The following VPS54 variants were observed in gnomAD, a reference collection of about 807,000 sequenced individuals.
The protein encoded by VPS54 is VPS54 subunit of GARP complex.
VPS54 carries 45 observed loss-of-function variants against 121.5 expected under a neutral mutation model. That is an observed-to-expected ratio of 0.37 (90% CI 0.29 to 0.47). VPS54 has a LOEUF of 0.47. Ranked by LOEUF, VPS54 falls within the 20% of genes least tolerant of loss-of-function variation. The probability of loss-of-function intolerance (pLI) is 0.99; values close to 1 mark genes in which losing one functional copy is unlikely to be tolerated. For missense variants in VPS54, 1,090 were observed against 1,131.4 expected, an observed-to-expected ratio of 0.96 and a Z score of 0.52; for synonymous variants, 371 against 385.8, an observed-to-expected ratio of 0.96 and a Z score of 0.45.
At chr2:63,955,091 C>A (rs1559018961) in intron 7 of VPS54, among the ~76,000 whole-genome samples, 1 of 151,864 alleles carries the variant, frequency 6.6e-6, no homozygotes, top group African/African-American at 2.4e-5. Context: ...TTCAAAGATA[C>A]CTAATGAAAT....
At chr2:63,947,143 T>C (rs1309870983) in intron 9 of VPS54, among the ~76,000 whole-genome samples, 1 of 152,020 alleles carries the variant, frequency 6.6e-6, no homozygotes, top group Non-Finnish European at 1.5e-5. Context: ...GAAATATATG[T>C]ATAAAATCAT....
At chr2:63,919,484 G>A (rs1030503488) in intron 15 of VPS54, among the ~76,000 whole-genome samples, 4 of 151,966 alleles carry the variant, frequency 2.6e-5, no homozygotes, top group Non-Finnish European at 4.4e-5. Flanking sequence ...TAAACAATAC[G>A]GTATAGTAGC....
At chr2:64,005,625 A>T (rs1198813428) in intron 1 of VPS54, among the ~76,000 whole-genome samples, 2 of 152,196 alleles carry the variant, frequency 1.3e-5, no homozygotes. Context: ...GTTAGGGCAG[A>T]GTTTTTCAAC....
At chr2:63,925,769 G>C (rs1673870617) in intron 12 of VPS54, among the ~76,000 whole-genome samples, 1 of 152,114 alleles carries the variant, frequency 6.6e-6, no homozygotes, top group Non-Finnish European at 1.5e-5. Flanking sequence ...TTAACATAAA[G>C]TTTAAAAACT....
At chr2:63,952,255 G>C (rs538341499) in intron 7 of VPS54, among the ~76,000 whole-genome samples, 1 of 152,236 alleles carries the variant, frequency 6.6e-6, no homozygotes, top group South Asian at 2.1e-4. Flanking sequence ...TCAAATAGCT[G>C]TGTAAAAGCA....
chr2:63,919,111 A>G (rs897953417), intron 15 of VPS54, among the ~76,000 whole-genome samples: 5 of 152,106 alleles, frequency 3.3e-5, no homozygotes, highest in African/African-American at 9.6e-5. Context: ...TAAATCTTAT[A>G]GGACTATTAT....
At chr2:63,973,600 AG>A (rs1676385764) in intron 3 of VPS54, among the ~76,000 whole-genome samples, 1 of 152,164 alleles carries the variant, frequency 6.6e-6, no homozygotes, top group Non-Finnish European at 1.5e-5. Flanking sequence ...TCTGTTGCCC[AG>A]GCTGAAGTTG....
At chr2:63,983,518 C>T (rs566050859) in intron 2 of VPS54, among the ~76,000 whole-genome samples, 2 of 149,320 alleles carry the variant, frequency 1.3e-5, no homozygotes, top group Non-Finnish European at 3.0e-5. Context: ...TCTCAGCTCA[C>T]TGCATGCTCC....
At position 63,934,155 on chromosome 2, in the gene VPS54, C is replaced by CT. The variant is rs377102962; in HGVS notation, c.1399-143dup. 309 of 709,704 alleles carry CT rather than the reference C, an allele frequency of 4.4e-4. 1 individual carries two copies. In the African/African-American group the frequency reaches 4.6e-3, roughly 11 times the overall value. The allele number at this position is 709,704 out of a possible 1,614,324, so 44.0% of individuals were successfully genotyped here. The stretch of plus-strand genomic sequence containing the variant: ...CATGTATATCAGAATTTCTACCGAT[C>CT]TTTTATTACATAGGAAAAGTGATGT... On this transcript the variant is annotated intron_variant, in intron 11 of 22. Transcript: ENST00000272322.
At chr2:63,913,341 A>G in intron 17 of VPS54, 31 bp from the exon 18 acceptor site, 1 of 1,547,364 alleles carries the variant, frequency 6.5e-7, no homozygotes, top group Non-Finnish European at 8.8e-7. Flanking sequence ...AAACCCCAAA[A>G]TTTACTAAAA....
At chr2:63,921,171 G>A (rs752196371) in intron 13 of VPS54, 35 bp downstream of exon 13, 24 of 1,573,342 alleles carry the variant, frequency 1.5e-5, no homozygotes, top group Admixed American at 3.6e-5. Flanking sequence ...AAATTATTAC[G>A]TATAAAATAT....
chr2:63,917,672 T>C (rs1342802992), intron 15 of VPS54, among the ~76,000 whole-genome samples: 1 of 152,004 alleles, frequency 6.6e-6, no homozygotes, highest in Non-Finnish European at 1.5e-5. Context: ...GCTATATATA[T>C]TGCAATCACA....
In VPS54 at chr2:63,961,933, G is replaced by T. The variant is rs1352747442; in HGVS notation, c.1010+125C>A. The T allele has an allele frequency of 3.9e-6, 4 of 1,027,002 alleles. No individual in the cohort carries two copies. The South Asian group carries it at 1.0e-4, about 26-fold the overall frequency. 63.6% of individuals were successfully genotyped at this position (1,027,002 alleles called of 1,614,324 possible). ...ATCAGAATAACATTATTAAACAAAT[G>T]ATCAATCTGGAAGAAAAAATATCCA... On this transcript the variant is annotated intron_variant, in intron 7 of 22. Coordinates refer to ENST00000272322, the MANE Select transcript of VPS54 (RefSeq NM_016516.3).
At chr2:63,933,043 CAG>C (rs1559001771) in intron 12 of VPS54, among the ~76,000 whole-genome samples, 1 of 151,690 alleles carries the variant, frequency 6.6e-6, no homozygotes, top group African/African-American at 2.4e-5. Flanking sequence ...CAAAAGGAGA[CAG>C]AAAGAGAAAA....
rs143624955 is a variant in VPS54 at position 63,896,973 on chromosome 2, A to G, written c.2828+523T>C. On this transcript the variant is annotated intron_variant, in intron 22 of 22. Coordinates refer to ENST00000272322, the MANE Select transcript of VPS54 (RefSeq NM_016516.3). ...TAGTAAGTGACAGAACTAGAACTTA[A>G]CCCAAGTTTTCAGATTCTAAGTCCT... 9.2e-5 allele frequency among the ~76,000 whole-genome samples: 14 copies of G among 152,304 alleles called. No homozygotes were observed. The East Asian group carries it at 2.7e-3, about 29-fold the overall frequency.
rs113589907 is a variant in VPS54 at position 63,892,647 on chromosome 2, T to G, written c.*783A>C. 2.0e-5 allele frequency: 3 copies of G among 152,744 alleles called. No individual in the cohort carries two copies. The highest frequency in any genetic ancestry group is 7.2e-5 in the African/African-American group (3 of 41,568). The allele number at this position is 152,744 out of a possible 1,614,324, so 9.5% of individuals were successfully genotyped here. ...ACACCCCAAACCCTTCATCATACTT[T>G]TATAAAAATACAGATATTAAACTGT... On this transcript the variant is annotated 3_prime_UTR_variant, in exon 23 of 23. Transcript: ENST00000272322.
chr2:64,000,795 G>A (rs1453877524), intron 1 of VPS54, among the ~76,000 whole-genome samples: 4 of 152,202 alleles, frequency 2.6e-5, no homozygotes, highest in East Asian at 1.9e-4. Flanking sequence ...GCACCCTGTG[G>A]TCAACACTGG....
intron 5 of VPS54, among the ~76,000 whole-genome samples, chr2:63,968,747 A>C (rs1265107974): frequency 6.6e-6 from 1 of 151,916 alleles, no homozygotes; most frequent in Non-Finnish European, 1.5e-5. Flanking sequence ...AAAAGCAGAA[A>C]GAAAAAGAAA....
intron 1 of VPS54, among the ~76,000 whole-genome samples, chr2:63,991,522 A>G (rs1033389428): frequency 6.6e-6 from 1 of 152,230 alleles, no homozygotes; most frequent in African/African-American, 2.4e-5. Flanking sequence ...GGAGCCTGCT[A>G]TAATTGCAGT....
Sources: gnomAD v4.1 joint callset for allele counts (sites outside exome capture counted in the v4.1 genomes callset) on GRCh38, gnomAD v4.1.1 for gene constraint, MANE v1.5 for transcripts, NCBI Gene and HGNC (gene_info 2026-07-23, HGNC 2026-07-21) for gene names.